PARD3B: variants seen among roughly 807,000 people sequenced by gnomAD.
PARD3B encodes partitioning defective 3 homolog B.
PARD3B carries 103 observed loss-of-function variants against 130.2 expected under a neutral mutation model. That is an observed-to-expected ratio of 0.79 (90% confidence interval 0.67 to 0.93). The LOEUF (loss-of-function observed/expected upper bound fraction) is 0.93, where lower values mean the gene tolerates loss of function less well. PARD3B is among the 40% of genes least tolerant of loss of function. PARD3B has a pLI of 0.00. For synonymous variants in PARD3B, 583 were observed against 553.2 expected (o/e 1.05, Z -0.76); for missense variants, 1,609 against 1,499.2 (o/e 1.07, Z -1.21).
chr2:204,624,998 T>A (rs1350962578), intron 1 of PARD3B, among the ~76,000 whole-genome samples: 1 of 152,124 alleles, frequency 6.6e-6, no homozygotes, highest in Non-Finnish European at 1.5e-5. Flanking sequence ...ATGTTGAACC[T>A]TTTTTTGTGT....
At chr2:204,724,687 G>A (rs1215197904) in intron 2 of PARD3B, among the ~76,000 whole-genome samples, 2 of 152,118 alleles carry the variant, frequency 1.3e-5, no homozygotes, top group Non-Finnish European at 2.9e-5. Context: ...GAGTGACTAT[G>A]GAAGTGGAGT....
chr2:205,478,960 A>G (rs1046405738), intron 20 of PARD3B, among the ~76,000 whole-genome samples: 14 of 152,306 alleles, frequency 9.2e-5, no homozygotes, highest in African/African-American at 3.4e-4. Flanking sequence ...GATGGCACTG[A>G]GATGTTATAG....
intron 2 of PARD3B, among the ~76,000 whole-genome samples, chr2:204,766,986 T>TTTTCA (rs2041188058): frequency 9.7e-6 from 1 of 102,780 alleles, no homozygotes; most frequent in Non-Finnish European, 2.1e-5. Flanking sequence ...TTTTTCACAT[T>TTTTCA]TTTTATTTTA....
At chr2:205,559,624 A>G (rs1194153969) in intron 22 of PARD3B, among the ~76,000 whole-genome samples, 2 of 129,014 alleles carry the variant, frequency 1.6e-5, no homozygotes, top group Admixed American at 8.5e-5. Flanking sequence ...TTTGAGACAG[A>G]GTCTCACTCT....
intron 2 of PARD3B, among the ~76,000 whole-genome samples, chr2:204,962,900 A>C (rs1575428756): frequency 6.6e-6 from 1 of 152,202 alleles, no homozygotes; most frequent in Admixed American, 6.5e-5. Context: ...ATTTTAATCA[A>C]AGAGCTTATG....
At chr2:204,798,617 G>T (rs1559153431) in intron 2 of PARD3B, among the ~76,000 whole-genome samples, 1 of 152,090 alleles carries the variant, frequency 6.6e-6, no homozygotes, top group Admixed American at 6.6e-5. Flanking sequence ...ACAACTCACA[G>T]CTCTAGGGGA....
intron 18 of PARD3B, among the ~76,000 whole-genome samples, chr2:205,380,950 T>TAAAGAATATATATAATATCTAAAG (rs529607774): frequency 1.2e-5 from 1 of 81,856 alleles, no homozygotes; most frequent in African/African-American, 6.2e-5. Context: ...ATATAATATA[T>TAAAGAATATATATAATATCTAAAG]AATGTATATA....
intron 16 of PARD3B, among the ~76,000 whole-genome samples, chr2:205,256,582 GAGTTTTACATTC>G (rs1052605086): frequency 6.6e-6 from 1 of 152,046 alleles, no homozygotes; most frequent in African/African-American, 2.4e-5. Context: ...TGTAGTATTT[GAGTTTTACATTC>G]AGACTATATT....
intron 3 of PARD3B, among the ~76,000 whole-genome samples, chr2:205,009,619 C>T (rs1354508845): frequency 2.0e-5 from 3 of 150,108 alleles, no homozygotes; most frequent in East Asian, 2.0e-4. Context: ...TTCAGTGAGC[C>T]GAGATTGCGC....
chr2:205,523,259 T>G (rs1313852774), intron 21 of PARD3B, among the ~76,000 whole-genome samples: 1 of 147,770 alleles, frequency 6.8e-6, no homozygotes, highest in South Asian at 2.1e-4. Context: ...ATATATATAT[T>G]TTTGAGATGG....
intron 2 of PARD3B, among the ~76,000 whole-genome samples, chr2:204,946,707 G>A (rs1280281004): frequency 1.3e-5 from 2 of 152,150 alleles, no homozygotes; most frequent in Admixed American, 6.6e-5. Context: ...TGGCTCACAT[G>A]ATTAGGGAAA....
chr2:204,554,461 C>T (rs1194379677), intron 1 of PARD3B, among the ~76,000 whole-genome samples: 1 of 152,004 alleles, frequency 6.6e-6, no homozygotes, highest in African/African-American at 2.4e-5. Flanking sequence ...ACCAGAAATG[C>T]TTGTCATCAC....
At chr2:204,614,727 C>T (rs1473081017) in intron 1 of PARD3B, among the ~76,000 whole-genome samples, 1 of 152,092 alleles carries the variant, frequency 6.6e-6, no homozygotes, top group Non-Finnish European at 1.5e-5. Context: ...ATAGTTCTCA[C>T]AAGATCTGGT....
chr2:205,226,873 T>C (rs1456934450), intron 15 of PARD3B, among the ~76,000 whole-genome samples: 1 of 152,182 alleles, frequency 6.6e-6, no homozygotes, highest in Non-Finnish European at 1.5e-5. Flanking sequence ...GATTTTAGGA[T>C]TGTCTTTTTT....
chr2:205,422,500 A>T (rs1042087771), intron 19 of PARD3B, among the ~76,000 whole-genome samples: 2 of 152,314 alleles, frequency 1.3e-5, no homozygotes, highest in South Asian at 2.1e-4. Context: ...CTTAAAAAGT[A>T]TGTTTCCTTA....
chr2:205,418,950 TTAAACTA>T (rs1255247660), intron 19 of PARD3B, among the ~76,000 whole-genome samples: 3 of 152,196 alleles, frequency 2.0e-5, no homozygotes, highest in African/African-American at 7.2e-5. Flanking sequence ...TTTAAATATT[TTAAACTA>T]TAAACTATAA....
At chr2:205,001,930 A>C (rs1418757170) in intron 3 of PARD3B, among the ~76,000 whole-genome samples, 1 of 152,240 alleles carries the variant, frequency 6.6e-6, no homozygotes, top group Non-Finnish European at 1.5e-5. Context: ...GTATTGAATG[A>C]AGAAAAGGAG....
intron 3 of PARD3B, among the ~76,000 whole-genome samples, chr2:204,996,522 T>C (rs2125258870): frequency 6.6e-6 from 1 of 151,930 alleles, no homozygotes; most frequent in African/African-American, 2.4e-5. Flanking sequence ...CAGAGGTTAC[T>C]GCTGTCTTTT....
intron 3 of PARD3B, among the ~76,000 whole-genome samples, chr2:205,018,722 C>CAAAAAAA (rs5837948): frequency 0.024 from 1,052 of 43,146 alleles, 225 homozygotes; most frequent in Admixed American, 0.039. Flanking sequence ...GCAGTATAAG[C>CAAAAAAA]AAAAAAAAAA....
Sources: gnomAD v4.1 joint callset for allele counts (sites outside exome capture counted in the v4.1 genomes callset) on GRCh38, gnomAD v4.1.1 for gene constraint, MANE v1.5 for transcripts, NCBI Gene and HGNC (gene_info 2026-07-23, HGNC 2026-07-21) for gene names.